The following TTF2 variants were observed in gnomAD, a reference collection of about 807,000 sequenced individuals.
TTF2 encodes the protein RNA polymerase II termination factor.
Under a neutral mutation model 142.4 loss-of-function variants are expected in TTF2, and 108 were observed. That is an observed-to-expected ratio of 0.76 (90% CI 0.65 to 0.89). The LOEUF (loss-of-function observed/expected upper bound fraction) is 0.89, where lower values mean the gene tolerates loss of function less well. TTF2 is among the 40% of genes least tolerant of loss of function. The probability of loss-of-function intolerance (pLI) is 0.00; values close to 1 mark genes in which losing one functional copy is unlikely to be tolerated. For missense variants in TTF2, 1,327 were observed against 1,379.8 expected (o/e 0.96, Z 0.61); for synonymous variants, 483 against 506.2 (o/e 0.95, Z 0.61).
In TTF2 at chr1:117,086,457, G is replaced by C. The variant is rs1397815388; in HGVS notation, c.2095G>C (p.Val699Leu). The C allele has an allele frequency of 2.5e-5, 40 of 1,613,868 alleles. No homozygotes were observed. Among genetic ancestry groups the C allele is most frequent in the Non-Finnish European group, 3.4e-5 (40 of 1,180,002 alleles). The stretch of plus-strand genomic sequence containing the variant: ...CATCGTGATCACTACCTATAGCCTC[G>C]TGGCCAAGGAGATTCCCACAAACAA... ...YDIVITTYSL[V>L]AKEIPTNKQE... The change falls in exon 12 of 23, where the codon GTG (valine) becomes CTG (leucine). Residue 699 changes from valine to leucine, a missense_variant. Coordinates refer to ENST00000369466, the MANE Select transcript of TTF2 (RefSeq NM_003594.4). The surrounding 1 kb of genome is among the most constrained non-coding windows in gnomAD (Gnocchi z 4.2).
chr1:117,083,506 C>T (rs1647719807), intron 10 of TTF2, among the ~76,000 whole-genome samples: 1 of 152,134 alleles, frequency 6.6e-6, no homozygotes, highest in Non-Finnish European at 1.5e-5. Context: ...GAAAGTATAA[C>T]AATACTCCAT....
At chr1:117,068,691 G>A in intron 3 of TTF2, among the ~76,000 whole-genome samples, 1 of 152,140 alleles carries the variant, frequency 6.6e-6, no homozygotes, top group Non-Finnish European at 1.5e-5. Context: ...AAATTGACCT[G>A]CAGATTATCT....
intron 10 of TTF2, among the ~76,000 whole-genome samples, chr1:117,083,471 G>A (rs1249392529): frequency 1.3e-5 from 2 of 151,666 alleles, no homozygotes; most frequent in Non-Finnish European, 2.9e-5. Context: ...TTTTAAGGTA[G>A]AAGTACATTA....
chr1:117,078,561 A>T (rs1295574330), intron 8 of TTF2, among the ~76,000 whole-genome samples: 1 of 152,232 alleles, frequency 6.6e-6, no homozygotes, highest in Non-Finnish European at 1.5e-5. Flanking sequence ...GGGAGTGGTG[A>T]CTAGTGGGAA....
Position 117,090,192 on chromosome 1 carries a change from C to T in TTF2, c.2480C>T (p.Ser827Phe), listed in dbSNP as rs958042952. 1.9e-6 allele frequency: 3 copies of T among 1,613,992 alleles called. No individual in the cohort carries two copies. In the South Asian group the frequency reaches 3.3e-5, roughly 18 times the overall value. ...AGGAGAACAAAAGACCAGCTGGACT[C>T]TACTGGCAGACCTTTGGTAATCAAG... ...LLRRTKDQLD[S>F]TGRPLVILPQ... Residue 827 changes from serine (S) to phenylalanine (F), a missense_variant, in exon 14 of 23, where the codon TCT (serine) becomes TTT (phenylalanine). Transcript: ENST00000369466. This position sits in a 1 kb window ranked among gnomAD's most constrained non-coding sequence, Gnocchi z 4.8.
intron 11 of TTF2, among the ~76,000 whole-genome samples, chr1:117,084,379 T>C (rs1426850511): frequency 6.6e-6 from 1 of 152,222 alleles, no homozygotes; most frequent in East Asian, 1.9e-4. Context: ...TTGTCCTCAA[T>C]GAAAGCTGCC....
intron 4 of TTF2, among the ~76,000 whole-genome samples, chr1:117,074,290 A>G (rs1656810192): frequency 6.6e-6 from 1 of 152,238 alleles, no homozygotes; most frequent in African/African-American, 2.4e-5. Context: ...GGTTTGGGGA[A>G]AAGTTCATCT....
In TTF2 at chr1:117,070,688, A is replaced by G. The variant is rs920734679; in HGVS notation, c.219-2973A>G. 1.3e-5 allele frequency among the ~76,000 whole-genome samples: 2 copies of G among 152,252 alleles called. No homozygotes were observed. Among genetic ancestry groups the G allele is most frequent in the Admixed American group, 1.3e-4 (2 of 15,288 alleles). On this transcript the variant is annotated intron_variant, in intron 3 of 22. Transcript: ENST00000369466. The surrounding 1 kb of genome is among the most constrained non-coding windows in gnomAD (Gnocchi z 4.2). Reference sequence around the variant, plus strand: ...GCATTCAAAGCATTTCAGAAATTGTATTACATATGTTTAATATAATATCCT... The same window carrying G: ...GCATTCAAAGCATTTCAGAAATTGTGTTACATATGTTTAATATAATATCCT...
intron 3 of TTF2, among the ~76,000 whole-genome samples, chr1:117,064,423 C>G (rs1219304158): frequency 6.6e-6 from 1 of 152,132 alleles, no homozygotes; most frequent in Admixed American, 6.5e-5. Context: ...ATGGTTTGTG[C>G]TTTTTGTCTG....
In TTF2 at chr1:117,084,165, G is replaced by A; in HGVS notation, c.2051G>A (p.Arg684Lys). The change falls in exon 11 of 23, where the codon AGA becomes AAA. Residue 684 changes from arginine (R) to lysine (K), a missense_variant. By Grantham distance (26) the Arg-to-Lys change is conservative (BLOSUM62 2). Transcript: ENST00000369466. ...YHGPNRDSRA[R>K]VLSTYDIVIT... ...GGGCCAAACCGGGATTCACGTGCCAGAGTGTAAGTGCAGGAATACGCAGTT... is the reference window on the plus strand; with the variant it reads ...GGGCCAAACCGGGATTCACGTGCCAAAGTGTAAGTGCAGGAATACGCAGTT... 1 of 1,614,236 alleles carries A rather than the reference G, an allele frequency of 6.2e-7. No individual in the cohort carries two copies. Among genetic ancestry groups the A allele is most frequent in the Non-Finnish European group, 8.5e-7 (1 of 1,180,044 alleles).
Position 117,101,345 on chromosome 1 carries a change from T to C in TTF2, c.3345-35T>C. 6.4e-7 allele frequency: 1 copy of C among 1,552,222 alleles called. No homozygotes were observed. Among genetic ancestry groups the C allele is most frequent in the Non-Finnish European group, 8.6e-7 (1 of 1,159,236 alleles). On this transcript the variant is annotated intron_variant, in intron 22 of 22. Coordinates refer to ENST00000369466, the MANE Select transcript of TTF2 (RefSeq NM_003594.4). This position sits in a 1 kb window ranked among gnomAD's most constrained non-coding sequence, Gnocchi z 5.9. ...TATTAGATGTGCTGCTTAGGGTTTT[T>C]GATAGTTTGCTTATTTTTTGTTTTT...
At position 117,070,914 on chromosome 1, in the gene TTF2, C is replaced by T. The variant is rs141643358; in HGVS notation, c.219-2747C>T. ...AGTGGCATCAAGGGACCAGGACCTG[C>T]TCAGGACCCCTGAATTAGGATGCAG... On this transcript the variant is annotated intron_variant, in intron 3 of 22. Transcript: ENST00000369466. This position sits in a 1 kb window ranked among gnomAD's most constrained non-coding sequence, Gnocchi z 4.2. Among the ~76,000 whole-genome samples, 365 of 152,184 alleles carry T rather than the reference C, an allele frequency of 2.4e-3. No individual in the cohort carries two copies. Among genetic ancestry groups the T allele is most frequent in the African/African-American group, 8.5e-3 (353 of 41,512 alleles).
intron 3 of TTF2, among the ~76,000 whole-genome samples, chr1:117,065,148 G>A (rs1163460458): frequency 2.0e-5 from 3 of 152,120 alleles, no homozygotes; most frequent in Non-Finnish European, 2.9e-5. Context: ...TTTCAAGATT[G>A]CGTTGGCTGC....
rs1656890686 is a variant in TTF2, at chr1:117,075,192, A to T, written c.608A>T (p.Gln203Leu). 6.2e-7 allele frequency: 1 copy of T among 1,614,192 alleles called. No homozygotes were observed. Among genetic ancestry groups the T allele is most frequent in the South Asian group, 1.1e-5 (1 of 91,076 alleles). Reference sequence around the variant, plus strand: ...AAGCAAGAAGAGGGAGCAGAGATTCAGTGTGAGGCAGAGACTGGAGGCACA... The same window carrying T: ...AAGCAAGAAGAGGGAGCAGAGATTCTGTGTGAGGCAGAGACTGGAGGCACA... Reference protein sequence around the residue: ...EKKQEEGAEIQCEAETGGTHK... With the variant: ...EKKQEEGAEILCEAETGGTHK... The change falls in exon 5 of 23, where the codon CAG becomes CTG. Residue 203 changes from glutamine (Q) to leucine (L), a missense_variant. By Grantham distance (113) the Gln-to-Leu change is moderately radical. Transcript: ENST00000369466. The surrounding 1 kb of genome is among the most constrained non-coding windows in gnomAD (Gnocchi z 4.5).
chr1:117,095,787 CTGT>C (rs1452950320), intron 19 of TTF2, among the ~76,000 whole-genome samples: 1 of 152,128 alleles, frequency 6.6e-6, no homozygotes, highest in Non-Finnish European at 1.5e-5. Context: ...AGGGAGGAGC[CTGT>C]TGTTCTGGCT....
intron 3 of TTF2, among the ~76,000 whole-genome samples, chr1:117,068,456 A>G (rs1656322409): frequency 6.6e-6 from 1 of 151,998 alleles, no homozygotes; most frequent in African/African-American, 2.4e-5. Context: ...TGACGAGTTA[A>G]TGGGCGCAAC....
In TTF2 at chr1:117,099,838, G is replaced by A. The variant is rs1649441292; in HGVS notation, c.3344+931G>A. ...GCACTGAAATTGCTCTTGTTAAGGG[G>A]CACCAATGACTTCCAGACTTTGCTA... On this transcript the variant is annotated intron_variant, in intron 22 of 22. Transcript: ENST00000369466. This position sits in a 1 kb window ranked among gnomAD's most constrained non-coding sequence, Gnocchi z 4.3. Among the ~76,000 whole-genome samples, 1 of 152,164 alleles carries A rather than the reference G, an allele frequency of 6.6e-6. No homozygotes were observed. The highest frequency in any genetic ancestry group is 1.5e-5 in the Non-Finnish European group (1 of 68,028).
At chr1:117,084,313 C>A in intron 11 of TTF2, 145 bp downstream of exon 11, 3 of 1,029,632 alleles carry the variant, frequency 2.9e-6, no homozygotes, top group Non-Finnish European at 4.2e-6. Flanking sequence ...CGTCACCATA[C>A]AGCCTTTGCG....
intron 12 of TTF2, among the ~76,000 whole-genome samples, chr1:117,088,194 C>T (rs977111490): frequency 2.0e-5 from 3 of 152,088 alleles, no homozygotes; most frequent in Admixed American, 2.0e-4. Flanking sequence ...GGTTCAATGC[C>T]TGGTGTAGTC....
Sources: gnomAD v4.1 joint callset for allele counts (sites outside exome capture counted in the v4.1 genomes callset) on GRCh38, gnomAD v4.1.1 for gene constraint, Gnocchi (gnomAD v3.1) non-coding constraint, MANE v1.5 for transcripts, NCBI Gene and HGNC (gene_info 2026-07-23, HGNC 2026-07-21) for gene names.